The following STPG2 variants were observed in gnomAD, a reference collection of about 807,000 sequenced individuals.
STPG2 encodes sperm tail PG-rich repeat containing 2.
A neutral mutation model predicts 54.2 loss-of-function variants in STPG2; 56 were observed. That is an observed-to-expected ratio of 1.03 (90% CI 0.83 to 1.29). The LOEUF (loss-of-function observed/expected upper bound fraction) is 1.29, where lower values mean the gene tolerates loss of function less well. Ranked by LOEUF, STPG2 falls within the 50% of genes most tolerant of loss-of-function variation. The pLI, the probability that STPG2 is intolerant of heterozygous loss-of-function variation, is 0.00. For synonymous variants in STPG2, 200 were observed against 181.8 expected (o/e 1.10, Z -0.81); for missense variants, 596 against 544.9 (o/e 1.09, Z -0.93).
At chr4:98,096,490 T>C (rs933102674) in intron 5 of STPG2, among the ~76,000 whole-genome samples, 2 of 152,008 alleles carry the variant, frequency 1.3e-5, no homozygotes, top group African/African-American at 4.8e-5. Flanking sequence ...GAGGAAAGTT[T>C]ATAGCAATAA....
chr4:97,587,829 A>T (rs1508459), intron 10 of STPG2, among the ~76,000 whole-genome samples: 1 of 151,894 alleles, frequency 6.6e-6, no homozygotes, highest in African/African-American at 2.4e-5. Flanking sequence ...AACATTAGGG[A>T]TAATCCTGAC....
intron 7 of STPG2, among the ~76,000 whole-genome samples, chr4:97,956,572 G>A (rs755552692): frequency 9.9e-5 from 15 of 152,128 alleles, no homozygotes; most frequent in Non-Finnish European, 1.6e-4. Flanking sequence ...TCCTGCAGGA[G>A]CCAGGAGACA....
intron 5 of STPG2, among the ~76,000 whole-genome samples, chr4:98,101,607 G>A (rs763541229): frequency 1.3e-5 from 2 of 152,090 alleles, no homozygotes; most frequent in African/African-American, 2.4e-5. Flanking sequence ...CCAGTACAAC[G>A]CAAGAGCAGC....
chr4:97,448,272 G>A (rs2148795879), intron 4 of STPG2, among the ~76,000 whole-genome samples: 1 of 152,302 alleles, frequency 6.6e-6, no homozygotes, highest in Middle Eastern at 3.4e-3. Flanking sequence ...GGGCTTTTGA[G>A]CTAATGCTGA....
intron 10 of STPG2, among the ~76,000 whole-genome samples, chr4:97,663,637 A>T (rs965247175): frequency 6.6e-6 from 1 of 152,216 alleles, no homozygotes; most frequent in African/African-American, 2.4e-5. Flanking sequence ...TAATATTGAA[A>T]ATAATAATCA....
intron 8 of STPG2, among the ~76,000 whole-genome samples, chr4:97,867,050 A>G (rs1370219506): frequency 6.6e-6 from 1 of 151,994 alleles, no homozygotes; most frequent in East Asian, 1.9e-4. Flanking sequence ...ATGCTAGCCC[A>G]GATCTGAGGA....
intron 4 of STPG2, among the ~76,000 whole-genome samples, chr4:97,444,126 AAG>A (rs1377949406): frequency 1.3e-5 from 2 of 152,202 alleles, no homozygotes; most frequent in Non-Finnish European, 2.9e-5. Context: ...TCAAAAAGAA[AAG>A]AGAATCTATA....
At chr4:97,596,096 A>G (rs1733282714) in intron 10 of STPG2, among the ~76,000 whole-genome samples, 1 of 152,178 alleles carries the variant, frequency 6.6e-6, no homozygotes, top group African/African-American at 2.4e-5. Context: ...AACAGAAAAC[A>G]GAAAAAAATC....
chr4:97,556,891 A>C (rs187729626), downstream of STPG2, among the ~76,000 whole-genome samples: 51 of 152,328 alleles, frequency 3.3e-4, no homozygotes. Flanking sequence ...TTTTCCTTAA[A>C]AAATAACCCT....
intron 9 of STPG2, among the ~76,000 whole-genome samples, chr4:97,768,053 G>A (rs906273626): frequency 6.6e-6 from 1 of 151,894 alleles, no homozygotes; most frequent in Admixed American, 6.6e-5. Flanking sequence ...TGTAGTCCCA[G>A]TTACTCGGGA....
chr4:97,908,870 T>C (rs1465861050), intron 8 of STPG2, among the ~76,000 whole-genome samples: 1 of 100,426 alleles, frequency 1.0e-5, no homozygotes, highest in Non-Finnish European at 2.0e-5. Context: ...TGTTGTGGGG[T>C]TGGGGGAGGG....
At chr4:97,496,732 G>A (rs770757351) in intron 4 of STPG2, among the ~76,000 whole-genome samples, 5 of 151,634 alleles carry the variant, frequency 3.3e-5, no homozygotes, top group South Asian at 2.1e-4. Context: ...TGTGTATCCC[G>A]GCAGTGTGTG....
intron 4 of STPG2, among the ~76,000 whole-genome samples, chr4:97,448,040 G>A (rs1300533767): frequency 6.6e-6 from 1 of 152,208 alleles, no homozygotes; most frequent in Admixed American, 6.5e-5. Flanking sequence ...AGTCAAAGGA[G>A]ATTATTTTGG....
At chr4:97,783,814 A>G (rs1335417597) in intron 9 of STPG2, among the ~76,000 whole-genome samples, 2 of 152,208 alleles carry the variant, frequency 1.3e-5, no homozygotes, top group Non-Finnish European at 2.9e-5. Flanking sequence ...TCAGTAAACT[A>G]TCACAAGGAC....
intron 4 of STPG2, among the ~76,000 whole-genome samples, chr4:97,454,737 T>C (rs1390659280): frequency 6.6e-6 from 1 of 152,108 alleles, no homozygotes; most frequent in Non-Finnish European, 1.5e-5. Flanking sequence ...CCTAGAATTT[T>C]GTTTTAGGAA....
chr4:97,590,923 G>A (rs188549137), intron 10 of STPG2, among the ~76,000 whole-genome samples: 199 of 152,108 alleles, frequency 1.3e-3, no homozygotes, highest in Middle Eastern at 3.4e-3. Flanking sequence ...AATGCATCAG[G>A]AAAATAGGCC....
At chr4:97,666,994 C>T (rs563373544) in intron 10 of STPG2, among the ~76,000 whole-genome samples, 5 of 152,314 alleles carry the variant, frequency 3.3e-5, no homozygotes. Flanking sequence ...TCACCACCAC[C>T]ACCACCATCA....
chr4:97,507,986 G>C (rs570858409), intron 4 of STPG2, among the ~76,000 whole-genome samples: 2 of 151,978 alleles, frequency 1.3e-5, no homozygotes, highest in Non-Finnish European at 2.9e-5. Context: ...CCCAGCCCCA[G>C]AGGTCCTGTG....
At chr4:98,124,140 TTC>T in intron 3 of STPG2, among the ~76,000 whole-genome samples, 1 of 152,198 alleles carries the variant, frequency 6.6e-6, no homozygotes, top group Non-Finnish European at 1.5e-5. Context: ...TGGCCTGCTA[TTC>T]TGTGTCTTTT....
Sources: gnomAD v4.1 joint callset for allele counts (sites outside exome capture counted in the v4.1 genomes callset) on GRCh38, gnomAD v4.1.1 for gene constraint, MANE v1.5 for transcripts, NCBI Gene and HGNC (gene_info 2026-07-23, HGNC 2026-07-21) for gene names.